The following RASEF variants were observed in gnomAD, a reference collection of about 807,000 sequenced individuals.
RASEF encodes the protein RAS and EF-hand domain containing, also known as ras and EF-hand domain-containing protein.
Under a neutral mutation model 90.1 loss-of-function variants are expected in RASEF, and 68 were observed. The ratio of observed to expected loss-of-function variants is 0.75; its 90% CI spans 0.62 to 0.92. The LOEUF is 0.92. Among genes scored for constraint, RASEF ranks in the 40% least tolerant of loss-of-function variants. The probability of loss-of-function intolerance (pLI) is 0.00; values close to 1 mark genes in which losing one functional copy is unlikely to be tolerated. For missense variants in RASEF, 949 were observed against 937.2 expected (o/e 1.01, Z -0.16); for synonymous variants, 331 against 345.2 (o/e 0.96, Z 0.46).
chr9:83,200,984 C>T, the RASEF span: 23 of 152,196 alleles, frequency 1.5e-4, no homozygotes, highest in African/African-American at 5.3e-4. Flanking sequence ...TACATAAAGA[C>T]TTTCAATATC....
At chr9:83,067,225 A>G (rs773626821), upstream of RASEF, among the ~76,000 whole-genome samples, 11 of 152,202 alleles carry the variant, frequency 7.2e-5, no homozygotes, top group Non-Finnish European at 1.5e-4. Context: ...TAGTAATGGC[A>G]TACCACTGAG....
chr9:83,185,142 T>C, the RASEF span, among the ~76,000 whole-genome samples: 2 of 152,150 alleles, frequency 1.3e-5, no homozygotes, highest in Admixed American at 6.5e-5. Flanking sequence ...GGTCTGTAGA[T>C]AGCACAGTGA....
chr9:83,052,330 G>T (rs1393793069), intron 1 of RASEF, among the ~76,000 whole-genome samples: 2 of 134,292 alleles, frequency 1.5e-5, no homozygotes, highest in Non-Finnish European at 3.1e-5. Context: ...GTTTATTTGC[G>T]TAGAGGTGTT....
the RASEF span, among the ~76,000 whole-genome samples, chr9:83,215,081 T>C: frequency 3.3e-5 from 5 of 151,666 alleles, no homozygotes; most frequent in Non-Finnish European, 7.4e-5. Flanking sequence ...GAGGAACGTC[T>C]GAACACCAAG....
chr9:83,021,783 T>G (rs916560989), intron 3 of RASEF, among the ~76,000 whole-genome samples: 1 of 152,222 alleles, frequency 6.6e-6, no homozygotes, highest in Non-Finnish European at 1.5e-5. Flanking sequence ...ACACCATTTA[T>G]ATAAAAACTT....
the RASEF span, among the ~76,000 whole-genome samples, chr9:83,123,624 C>T: frequency 7.8e-6 from 1 of 128,266 alleles, no homozygotes; most frequent in Admixed American, 7.2e-5. Context: ...CCTCCTCCTT[C>T]CCACTGAGCC....
chr9:83,206,451 C>A, the RASEF span, among the ~76,000 whole-genome samples: 1 of 152,208 alleles, frequency 6.6e-6, no homozygotes, highest in Non-Finnish European at 1.5e-5. Flanking sequence ...AATCATCATG[C>A]TCATGGAAAA....
At chr9:83,018,590 G>C (rs1490258549) in intron 3 of RASEF, among the ~76,000 whole-genome samples, 1 of 151,786 alleles carries the variant, frequency 6.6e-6, no homozygotes, top group African/African-American at 2.4e-5. Flanking sequence ...GAAATTGAAA[G>C]GCTGATTCTT....
chr9:83,121,832 A>AGT, the RASEF span, among the ~76,000 whole-genome samples: 1 of 102,530 alleles, frequency 9.8e-6, no homozygotes, highest in Non-Finnish European at 2.0e-5. Context: ...TGCAGAGAGC[A>AGT]ATGACTCTGA....
the RASEF span, among the ~76,000 whole-genome samples, chr9:83,196,735 T>A: frequency 6.6e-6 from 1 of 152,330 alleles, no homozygotes; most frequent in South Asian, 2.1e-4. Flanking sequence ...ATTCTAAAAC[T>A]GGGGAGGGAA....
intron 1 of RASEF, among the ~76,000 whole-genome samples, chr9:83,033,374 C>T (rs2118606868): frequency 6.6e-6 from 1 of 152,330 alleles, no homozygotes; most frequent in South Asian, 2.1e-4. Flanking sequence ...CAGCATAGAA[C>T]AGGTGAACAT....
the RASEF span, among the ~76,000 whole-genome samples, chr9:83,102,458 G>A: frequency 6.6e-6 from 1 of 152,208 alleles, no homozygotes. Context: ...ACACATGTCT[G>A]CAAATGGCCA....
the RASEF span, among the ~76,000 whole-genome samples, chr9:83,116,237 C>T: frequency 0.028 from 4,199 of 152,252 alleles, 193 homozygotes; most frequent in African/African-American, 0.094. Context: ...TCTTCATTTA[C>T]TTGTATACTT....
the RASEF span, among the ~76,000 whole-genome samples, chr9:83,216,897 C>G: frequency 6.6e-6 from 1 of 152,006 alleles, no homozygotes; most frequent in Non-Finnish European, 1.5e-5. Context: ...AATGGTAGAT[C>G]CACTAACAGC....
At chr9:83,188,284 T>G in the RASEF span, among the ~76,000 whole-genome samples, 11 of 152,192 alleles carry the variant, frequency 7.2e-5, no homozygotes, top group Non-Finnish European at 1.5e-4. Flanking sequence ...GAAGGTGTAA[T>G]GGACTTGCCC....
At chr9:83,061,807 C>G (rs749102392) in intron 1 of RASEF, among the ~76,000 whole-genome samples, 1 of 152,200 alleles carries the variant, frequency 6.6e-6, no homozygotes, top group African/African-American at 2.4e-5. Context: ...CAAATCTCTG[C>G]TGTTTAACTG....
the RASEF span, among the ~76,000 whole-genome samples, chr9:83,124,544 G>A: frequency 2.6e-5 from 4 of 152,128 alleles, no homozygotes; most frequent in Non-Finnish European, 2.9e-5. Context: ...TAAAGCTGCC[G>A]CAGTTTCTCC....
At chr9:83,005,223 C>T (rs2118467990) in intron 8 of RASEF, among the ~76,000 whole-genome samples, 193 bp downstream of exon 8, 1 of 152,324 alleles carries the variant, frequency 6.6e-6, no homozygotes, top group East Asian at 1.9e-4. Flanking sequence ...CATTGAGACA[C>T]TTATTTCTTC....
the RASEF span, among the ~76,000 whole-genome samples, chr9:83,127,474 A>T: frequency 6.6e-6 from 1 of 152,180 alleles, no homozygotes. Flanking sequence ...AAAGTTGAAG[A>T]GAGAGAAAAA....
Sources: allele counts gnomAD v4.1 joint callset (sites outside exome capture counted in the v4.1 genomes callset), GRCh38; gene constraint gnomAD v4.1.1; transcripts MANE v1.5; gene names NCBI Gene and HGNC (gene_info 2026-07-23, HGNC 2026-07-21).